The following GPR155 variants were observed in gnomAD, a reference collection of about 807,000 sequenced individuals.
The protein encoded by GPR155 is G protein-coupled receptor 155, also known as lysosomal cholesterol signaling protein.
A neutral mutation model predicts 93.1 loss-of-function variants in GPR155; 65 were observed. That is an observed-to-expected ratio of 0.70 (90% CI 0.57 to 0.86). GPR155 has a LOEUF of 0.86. Ranked by LOEUF, GPR155 falls within the 40% of genes least tolerant of loss-of-function variation. The pLI is 0.00. For synonymous variants in GPR155, 319 were observed against 360.1 expected (o/e 0.89, Z 1.29); for missense variants, 838 against 1,034.8 (o/e 0.81, Z 2.61).
intron 10 of GPR155, among the ~76,000 whole-genome samples, chr2:174,454,284 C>G (rs1056813614): frequency 2.0e-5 from 3 of 152,092 alleles, no homozygotes; most frequent in Non-Finnish European, 4.4e-5. Context: ...TTACAGGCAC[C>G]TGCCACCAGG....
At chr2:174,443,013 A>C (rs983310085) in intron 13 of GPR155, among the ~76,000 whole-genome samples, 1 of 152,220 alleles carries the variant, frequency 6.6e-6, no homozygotes, top group African/African-American at 2.4e-5. Context: ...AGCCCTATGG[A>C]ATGAAGCTCA....
intron 11 of GPR155, among the ~76,000 whole-genome samples, chr2:174,450,641 A>G (rs1687290956): frequency 6.6e-6 from 1 of 152,196 alleles, no homozygotes; most frequent in Non-Finnish European, 1.5e-5. Flanking sequence ...TTGTTTTTCT[A>G]CCTTAGCTCC....
chr2:174,467,990 C>T (rs1236516231), intron 5 of GPR155, among the ~76,000 whole-genome samples: 1 of 152,222 alleles, frequency 6.6e-6, no homozygotes, highest in Non-Finnish European at 1.5e-5. Context: ...CCTGCCTCTG[C>T]CTCCCAAAGT....
At chr2:174,449,788 C>T (rs1687262757) in intron 11 of GPR155, among the ~76,000 whole-genome samples, 1 of 152,208 alleles carries the variant, frequency 6.6e-6, no homozygotes, top group South Asian at 2.1e-4. Context: ...CCAGCCTGAC[C>T]AATATGGTGA....
At chr2:174,447,518 TTATA>T (rs1687175889) in intron 11 of GPR155, among the ~76,000 whole-genome samples, 1 of 145,962 alleles carries the variant, frequency 6.9e-6, no homozygotes, top group Admixed American at 6.9e-5. Flanking sequence ...TCATATAAAT[TTATA>T]TATAATTATA....
rs765986531 is a variant in GPR155, at chr2:174,439,975, C to T, written c.2235G>A (p.Glu745=). 1 of 1,610,718 alleles carries T rather than the reference C, an allele frequency of 6.2e-7. No individual in the cohort carries two copies. Among genetic ancestry groups the T allele is most frequent in the Non-Finnish European group, 8.5e-7 (1 of 1,177,496 alleles). Reference sequence around the variant, plus strand: ...ATTGTTGACAGGTCATTTTTATTTCCTCTGAAACAGGAGAATCCCTGTTTT... The same window carrying T: ...ATTGTTGACAGGTCATTTTTATTTCTTCTGAAACAGGAGAATCCCTGTTTT... ...TAENRDSPVS[E]EIKMTCQQFI... Residue 745 remains glutamate (E), a synonymous_variant, in exon 15 of 16, where the codon GAG becomes GAA. Coordinates refer to ENST00000392552, the MANE Select transcript of GPR155 (RefSeq NM_152529.7).
chr2:174,442,422 C>G (rs896025735), intron 13 of GPR155, among the ~76,000 whole-genome samples: 1 of 152,080 alleles, frequency 6.6e-6, no homozygotes, highest in Non-Finnish European at 1.5e-5. Flanking sequence ...GCTGAGCAGC[C>G]GCATTTACAT....
chr2:174,482,899 T>C (rs1688368608), intron 1 of GPR155: 1 of 152,238 alleles, frequency 6.6e-6, no homozygotes, highest in Non-Finnish European at 1.5e-5. Context: ...ATTATTCCAC[T>C]GAAGTCTTTA....
At chr2:174,473,850 G>A (rs1688068573) in intron 2 of GPR155, among the ~76,000 whole-genome samples, 1 of 152,198 alleles carries the variant, frequency 6.6e-6, no homozygotes, top group Admixed American at 6.5e-5. Context: ...CACGGATGTG[G>A]AATCCAAGCT....
At chr2:174,469,923 G>A (rs1320878245) in intron 4 of GPR155, among the ~76,000 whole-genome samples, 3 of 152,158 alleles carry the variant, frequency 2.0e-5, no homozygotes, top group Non-Finnish European at 4.4e-5. Context: ...GTACAGTGGT[G>A]CAATCTTAAC....
At chr2:174,462,573 T>C (rs1416056197) in intron 7 of GPR155, among the ~76,000 whole-genome samples, 1 of 152,228 alleles carries the variant, frequency 6.6e-6, no homozygotes, top group Non-Finnish European at 1.5e-5. Flanking sequence ...CCTCCCAAAG[T>C]TCTGGAATTA....
chr2:174,485,828 CA>C (rs1688462780), intron 1 of GPR155, among the ~76,000 whole-genome samples: 1 of 152,010 alleles, frequency 6.6e-6, no homozygotes, highest in Non-Finnish European at 1.5e-5. Flanking sequence ...AAATTACATC[CA>C]GCCTTTTTAT....
chr2:174,453,850 A>G lies in GPR155; in HGVS notation c.1772-9T>C, dbSNP rs1225738734. 11 of 1,578,096 alleles carry G rather than the reference A, an allele frequency of 7.0e-6. No homozygotes were observed. The highest frequency in any genetic ancestry group is 1.3e-5 in the African/African-American group (1 of 74,104). The stretch of plus-strand genomic sequence containing the variant: ...GGAGCAGGAGCAGCAACCTATATCA[A>G]TCAAATAGTATGTGAGAGTAGAGCC... On this transcript the variant is annotated splice_polypyrimidine_tract_variant and intron_variant, in intron 10 of 15. Coordinates refer to ENST00000392552, the MANE Select transcript of GPR155 (RefSeq NM_152529.7).
intron 15 of GPR155, among the ~76,000 whole-genome samples, chr2:174,439,695 A>G (rs1165533153): frequency 6.6e-6 from 1 of 152,208 alleles, no homozygotes; most frequent in African/African-American, 2.4e-5. Context: ...TTTTTAAAAT[A>G]TTAAAATCAA....
intron 10 of GPR155, among the ~76,000 whole-genome samples, chr2:174,457,413 C>A (rs1454218043): frequency 3.9e-5 from 6 of 152,182 alleles, no homozygotes; most frequent in African/African-American, 1.4e-4. Flanking sequence ...AATCAAGACA[C>A]AAAGAAATCT....
intron 9 of GPR155, among the ~76,000 whole-genome samples, chr2:174,460,433 A>G (rs911757108): frequency 6.6e-6 from 1 of 152,134 alleles, no homozygotes; most frequent in Non-Finnish European, 1.5e-5. Context: ...AACTGCTGGG[A>G]TTACAGGTGT....
chr2:174,464,532 T>A (rs1472435164), intron 7 of GPR155, among the ~76,000 whole-genome samples: 4 of 151,924 alleles, frequency 2.6e-5, no homozygotes, highest in African/African-American at 7.3e-5. Context: ...AAAGGGCACC[T>A]TTATTGGGTT....
intron 1 of GPR155, among the ~76,000 whole-genome samples, chr2:174,484,403 T>C (rs1379421404): frequency 2.0e-5 from 3 of 152,254 alleles, no homozygotes; most frequent in Non-Finnish European, 2.9e-5. Context: ...TAATCCAGTC[T>C]TCTGTTCACT....
intron 15 of GPR155, among the ~76,000 whole-genome samples, chr2:174,436,878 T>A (rs1427899838): frequency 6.6e-6 from 1 of 152,250 alleles, no homozygotes; most frequent in African/African-American, 2.4e-5. Flanking sequence ...TTTAGCTCCA[T>A]ATACATCATG....
Sources: allele counts gnomAD v4.1 joint callset (sites outside exome capture counted in the v4.1 genomes callset), GRCh38; gene constraint gnomAD v4.1.1; transcripts MANE v1.5; gene names NCBI Gene and HGNC (gene_info 2026-07-23, HGNC 2026-07-21).